The following SYNDIG1 variants were observed in gnomAD, a reference collection of about 807,000 sequenced individuals.
The protein encoded by SYNDIG1 is synapse differentiation-inducing gene protein 1.
In SYNDIG1, 9 loss-of-function variants were observed where a neutral mutation model predicts 19.4. The observed-to-expected ratio is 0.46, with a 90% CI of 0.28 to 0.81. The LOEUF is 0.81. Ranked by LOEUF, SYNDIG1 falls within the 30% of genes least tolerant of loss-of-function variation. SYNDIG1 has a pLI of 0.12. For missense variants in SYNDIG1, 311 were observed against 343.3 expected, an observed-to-expected ratio of 0.91 and a Z score of 0.74; for synonymous variants, 141 against 145.9, an observed-to-expected ratio of 0.97 and a Z score of 0.24.
intron 2 of SYNDIG1, among the ~76,000 whole-genome samples, chr20:24,560,997 CTT>C (rs372179970): frequency 6.9e-6 from 1 of 145,350 alleles, no homozygotes; most frequent in Non-Finnish European, 1.5e-5. Context: ...TCAGCTTTGT[CTT>C]TTTTTTTTTA....
At chr20:24,562,707 A>G (rs945279883) in intron 2 of SYNDIG1, among the ~76,000 whole-genome samples, 13 of 152,172 alleles carry the variant, frequency 8.5e-5, no homozygotes, top group African/African-American at 3.1e-4. Context: ...AAATCTTTTT[A>G]ATTTTTCAGA....
chr20:24,472,250 G>A (rs936234043), intron 1 of SYNDIG1, among the ~76,000 whole-genome samples: 2 of 152,186 alleles, frequency 1.3e-5, no homozygotes, highest in Admixed American at 6.5e-5. Flanking sequence ...CCGGATCCTG[G>A]GAAGACAGAT....
At chr20:24,585,883 C>G (rs1286427618) in intron 3 of SYNDIG1, among the ~76,000 whole-genome samples, 11 of 152,196 alleles carry the variant, frequency 7.2e-5, no homozygotes. Context: ...CTCAAAGGTA[C>G]AGAGGGTCCC....
At chr20:24,516,472 C>A (rs187303557) in intron 1 of SYNDIG1, among the ~76,000 whole-genome samples, 15 of 151,898 alleles carry the variant, frequency 9.9e-5, no homozygotes, top group African/African-American at 2.7e-4. Flanking sequence ...AACAAATTTA[C>A]GAGAAAAAAA....
chr20:24,557,778 C>G (rs888361155), intron 2 of SYNDIG1, among the ~76,000 whole-genome samples: 23 of 152,202 alleles, frequency 1.5e-4, no homozygotes, highest in Admixed American at 5.9e-4. Context: ...CTTGAGGAGT[C>G]AGTCTGCCCG....
chr20:24,530,814 T>G (rs552969891), intron 1 of SYNDIG1, among the ~76,000 whole-genome samples: 6 of 151,760 alleles, frequency 4.0e-5, no homozygotes, highest in African/African-American at 7.2e-5. Flanking sequence ...GTTTTTTGTT[T>G]TTTTTTTTTT....
At chr20:24,498,277 T>C (rs73901847) in intron 1 of SYNDIG1, among the ~76,000 whole-genome samples, 15,682 of 152,242 alleles carry the variant, frequency 0.1, 1,949 homozygotes, top group African/African-American at 0.3. Context: ...TCCCACCCCA[T>C]TTATTTATTA....
At chr20:24,517,629 AG>A (rs953519802) in intron 1 of SYNDIG1, among the ~76,000 whole-genome samples, 2 of 143,384 alleles carry the variant, frequency 1.4e-5, no homozygotes, top group African/African-American at 5.1e-5. Flanking sequence ...AAAAAAAAAA[AG>A]TATATATATA....
rs563056582 is a variant in SYNDIG1, at chr20:24,544,429, G to A, written c.480+852G>A. ...GGTGGGGAAGGAAACCGCCGAGCAG[G>A]TCCAACCTTCAGAGGCAGTGTGTGG... On this transcript the variant is annotated intron_variant, in intron 2 of 3. Coordinates refer to ENST00000376862, the MANE Select transcript of SYNDIG1 (RefSeq NM_024893.3). Among the ~76,000 whole-genome samples the A allele has an allele frequency of 8.5e-4, 130 of 152,324 alleles. 1 individual carries two copies. Among genetic ancestry groups the A allele is most frequent in the Middle Eastern group, 6.8e-3 (2 of 294 alleles).
At chr20:24,505,271 G>A (rs535304351) in intron 1 of SYNDIG1, among the ~76,000 whole-genome samples, 148 of 152,288 alleles carry the variant, frequency 9.7e-4, no homozygotes, top group Non-Finnish European at 1.7e-3. Context: ...CCAAGGGTGC[G>A]CAGCCAGGGG....
intron 1 of SYNDIG1, among the ~76,000 whole-genome samples, chr20:24,505,632 T>G (rs1170692077): frequency 6.6e-6 from 1 of 152,238 alleles, no homozygotes; most frequent in Non-Finnish European, 1.5e-5. Context: ...ATATTTGCTG[T>G]CTTCATGTTT....
intron 1 of SYNDIG1, among the ~76,000 whole-genome samples, chr20:24,490,423 TGGGAAAGGTGGTTTGG>T (rs1181789142): frequency 6.6e-6 from 1 of 151,982 alleles, no homozygotes; most frequent in African/African-American, 2.4e-5. Context: ...ACAGTCCTCA[TGGGAAAGGTGGTTTGG>T]GGCTGGAGTG....
chr20:24,663,670 T>C (rs938948307), intron 3 of SYNDIG1, among the ~76,000 whole-genome samples: 2 of 152,200 alleles, frequency 1.3e-5, no homozygotes, highest in Non-Finnish European at 2.9e-5. Flanking sequence ...TGAGCCCTCA[T>C]GAGCTCGGGA....
chr20:24,543,421 C>T lies in SYNDIG1; in HGVS notation c.324C>T (p.Ala108=), dbSNP rs201382974. The T allele has an allele frequency of 1.1e-5, 18 of 1,613,500 alleles. No individual in the cohort carries two copies. Among genetic ancestry groups the T allele is most frequent in the Admixed American group, 1.7e-5 (1 of 59,990 alleles). The change falls in exon 2 of 4, where the codon GCC becomes GCT. Residue 108 remains alanine, a synonymous_variant. Coordinates refer to ENST00000376862, the MANE Select transcript of SYNDIG1 (RefSeq NM_024893.3). ...VLRSWGDGVA[A]DCCETTFIED... is the part of the protein sequence containing the mutation. ...GCTCCTGGGGGGACGGTGTGGCCGC[C>T]GACTGCTGCGAGACCACCTTCATCG...
chr20:24,608,859 A>G (rs2058803262), intron 3 of SYNDIG1, among the ~76,000 whole-genome samples: 2 of 152,218 alleles, frequency 1.3e-5, no homozygotes, highest in Non-Finnish European at 1.5e-5. Flanking sequence ...CTAGAATTAA[A>G]GCTAAGATTA....
intron 1 of SYNDIG1, among the ~76,000 whole-genome samples, chr20:24,524,889 T>C (rs574973189): frequency 3.7e-4 from 56 of 152,314 alleles, no homozygotes; most frequent in South Asian, 2.3e-3. Context: ...GTGGTATCTT[T>C]GCTTTCTGTT....
chr20:24,632,707 G>A (rs1244934230), intron 3 of SYNDIG1, among the ~76,000 whole-genome samples: 2 of 152,158 alleles, frequency 1.3e-5, no homozygotes, highest in South Asian at 2.1e-4. Flanking sequence ...TGTCGTGAGC[G>A]GGGAAACAGC....
At chr20:24,562,034 A>G (rs975602753) in intron 2 of SYNDIG1, among the ~76,000 whole-genome samples, 4 of 152,182 alleles carry the variant, frequency 2.6e-5, no homozygotes, top group Admixed American at 6.5e-5. Context: ...TCACCTTCTT[A>G]TAGTTGCATC....
At chr20:24,506,638 C>T (rs2056598057) in intron 1 of SYNDIG1, among the ~76,000 whole-genome samples, 2 of 152,198 alleles carry the variant, frequency 1.3e-5, no homozygotes, top group Non-Finnish European at 2.9e-5. Flanking sequence ...GAACTGTGGC[C>T]CTGTGGGCCT....
Sources: allele counts gnomAD v4.1 joint callset (sites outside exome capture counted in the v4.1 genomes callset), GRCh38; gene constraint gnomAD v4.1.1; transcripts MANE v1.5; gene names NCBI Gene and HGNC (gene_info 2026-07-23, HGNC 2026-07-21).